AMPD3: variants seen among roughly 807,000 people sequenced by gnomAD.
AMPD3 encodes adenosine monophosphate deaminase 3.
In AMPD3, 57 loss-of-function variants were observed where a neutral mutation model predicts 82.3. That is an observed-to-expected ratio of 0.69 (90% CI 0.56 to 0.86). The LOEUF (loss-of-function observed/expected upper bound fraction) is 0.86, where lower values mean the gene tolerates loss of function less well. Among genes scored for constraint, AMPD3 ranks in the 40% least tolerant of loss-of-function variants. The pLI is 0.00. For synonymous variants in AMPD3, 381 were observed against 394.7 expected (o/e 0.97, Z 0.41); for missense variants, 870 against 1,003.8 (o/e 0.87, Z 1.80).
chr11:10,456,466 C>T lies in AMPD3; in HGVS notation c.-6+1018C>T, dbSNP rs559251145. 503 of 1,613,656 alleles carry T rather than the reference C, an allele frequency of 3.1e-4. 1 individual carries two copies. The highest frequency in any genetic ancestry group is 1.1e-3 in the Admixed American group (68 of 60,012). ...GTAGGAACCAGCTTCCTTCGTATAA[C>T]GAGGGGATTTCAGTGGCACTGGGCT... On this transcript the variant is annotated intron_variant, in intron 1 of 14. Coordinates refer to ENST00000396553, the MANE Select transcript of AMPD3 (RefSeq NM_001025389.2). This position sits in a 1 kb window ranked among gnomAD's most constrained non-coding sequence, Gnocchi z 4.3.
At chr11:10,463,380 C>G (rs1205055966) in intron 2 of AMPD3, among the ~76,000 whole-genome samples, 1 of 152,172 alleles carries the variant, frequency 6.6e-6, no homozygotes. Context: ...CTCTGAGTGC[C>G]AGCCTTGTGT....
upstream of AMPD3, chr11:10,450,930 C>G: frequency 3.1e-6 from 4 of 1,286,112 alleles, no homozygotes; most frequent in Non-Finnish European, 3.9e-6. Flanking sequence ...GGCCCTGGCC[C>G]CGGCTGGCCT....
At chr11:10,494,549 T>C (rs1849334662) in intron 7 of AMPD3, 1 of 985,162 alleles carries the variant, frequency 1.0e-6, no homozygotes, top group Non-Finnish European at 1.2e-6. Flanking sequence ...AATGATATAA[T>C]GTGGAGAAAG....
chr11:10,469,495 C>G (rs1442937364), intron 2 of AMPD3, among the ~76,000 whole-genome samples: 2 of 152,160 alleles, frequency 1.3e-5, no homozygotes, highest in Non-Finnish European at 2.9e-5. Flanking sequence ...GAAATTGAGG[C>G]AGTAATGAAT....
chr11:10,485,433 A>G (rs1415922662), intron 5 of AMPD3, among the ~76,000 whole-genome samples: 2 of 152,010 alleles, frequency 1.3e-5, no homozygotes, highest in African/African-American at 4.8e-5. Flanking sequence ...TAGTAGAGAC[A>G]GGGGTTTTGC....
intron 2 of AMPD3, among the ~76,000 whole-genome samples, chr11:10,470,398 C>T (rs61314883): frequency 0.12 from 18,252 of 152,228 alleles, 1,143 homozygotes; most frequent in Non-Finnish European, 0.14. Context: ...CCTTTGAAAA[C>T]TGGCGCAAGA....
chr11:10,497,912 T>G (rs1849466047), intron 10 of AMPD3: 1 of 907,360 alleles, frequency 1.1e-6, no homozygotes. Flanking sequence ...GCGGAATTAT[T>G]ATGTGCTTGG....
At position 10,496,864 on chromosome 11, in the gene AMPD3, A is replaced by T. The variant is rs375460827; in HGVS notation, c.1483A>T (p.Asn495Tyr). 4.3e-6 allele frequency: 7 copies of T among 1,614,008 alleles called. No homozygotes were observed. The highest frequency in any genetic ancestry group is 1.3e-5 in the African/African-American group (1 of 74,904). ...LLPNFGKMLENIFLPLFKATI... is the reference protein window; with the variant it reads ...LLPNFGKMLEYIFLPLFKATI... The stretch of plus-strand genomic sequence containing the variant: ...GCCAAACTTTGGGAAGATGCTGGAG[A>T]ACATCTTCCTGCCCCTTTTCAAGGC... Residue 495 changes from asparagine (N) to tyrosine (Y), a missense_variant, in exon 10 of 15, where the codon AAC (asparagine) becomes TAC (tyrosine). Asn to Tyr is a moderately radical substitution (Grantham distance 143). Transcript: ENST00000396553.
chr11:10,451,559 T>C (rs1591430624), upstream of AMPD3, among the ~76,000 whole-genome samples: 1 of 152,232 alleles, frequency 6.6e-6, no homozygotes, highest in Admixed American at 6.5e-5. Flanking sequence ...TGGTAGCTGC[T>C]TTGCCAGCAG....
chr11:10,495,478 G>C, intron 8 of AMPD3, 92 bp from the exon 9 acceptor site: 2 of 1,604,172 alleles, frequency 1.2e-6, no homozygotes, highest in Admixed American at 1.7e-5. Context: ...AAGGTGGCTG[G>C]GGGAGCAACA....
intron 2 of AMPD3, among the ~76,000 whole-genome samples, chr11:10,476,492 G>T (rs1043255253): frequency 1.3e-5 from 2 of 150,684 alleles, no homozygotes; most frequent in Non-Finnish European, 3.0e-5. Context: ...TGTGTGTGTG[G>T]TTTTTTTTTA....
upstream of AMPD3, among the ~76,000 whole-genome samples, chr11:10,451,498 G>A (rs921529077): frequency 2.6e-5 from 4 of 152,222 alleles, no homozygotes; most frequent in African/African-American, 7.2e-5. Context: ...TCCCGGCAAG[G>A]GAGGTGTACA....
intron 5 of AMPD3, 146 bp downstream of exon 5, chr11:10,485,185 T>G (rs1849032193): frequency 6.6e-6 from 5 of 762,090 alleles, no homozygotes; most frequent in Non-Finnish European, 1.1e-5. Context: ...CCTCAGTGCT[T>G]TGCGGGTTTC....
chr11:10,467,443 T>A (rs1427001750), intron 2 of AMPD3, among the ~76,000 whole-genome samples: 6 of 150,740 alleles, frequency 4.0e-5, no homozygotes, highest in African/African-American at 1.5e-4. Context: ...CTTAATGAAA[T>A]AAAATAAGAA....
At chr11:10,504,868 C>A (rs1218117700) in intron 14 of AMPD3, among the ~76,000 whole-genome samples, 1 of 152,168 alleles carries the variant, frequency 6.6e-6, no homozygotes, top group Non-Finnish European at 1.5e-5. Flanking sequence ...CTTGGAGAGG[C>A]CTTCCCTGAT....
intron 6 of AMPD3, 127 bp downstream of exon 6, chr11:10,487,491 G>C: frequency 7.5e-6 from 10 of 1,333,658 alleles, no homozygotes; most frequent in Non-Finnish European, 1.1e-5. Context: ...GGCGGCCTTC[G>C]TGGCCAGAGG....
chr11:10,497,623 C>G, intron 10 of AMPD3: 1 of 985,292 alleles, frequency 1.0e-6, no homozygotes, highest in South Asian at 4.7e-5. Context: ...TCTGTGTGCC[C>G]AGAAAGTGAC....
chr11:10,471,126 T>C (rs971488573), intron 2 of AMPD3, among the ~76,000 whole-genome samples: 1 of 152,026 alleles, frequency 6.6e-6, no homozygotes, highest in Admixed American at 6.6e-5. Flanking sequence ...TATAGACCAA[T>C]GGAACAGAAC....
chr11:10,501,611 A>G (rs772115087), intron 12 of AMPD3, 21 bp downstream of exon 12: 2 of 1,613,962 alleles, frequency 1.2e-6, no homozygotes, highest in Non-Finnish European at 1.7e-6. Flanking sequence ...CACTCTCGGG[A>G]GCCCGTCCTG....
Sources: gnomAD v4.1 joint callset for allele counts (sites outside exome capture counted in the v4.1 genomes callset) on GRCh38, gnomAD v4.1.1 for gene constraint, Gnocchi (gnomAD v3.1) non-coding constraint, MANE v1.5 for transcripts, NCBI Gene and HGNC (gene_info 2026-07-23, HGNC 2026-07-21) for gene names.